The following CCDC136 variants were observed in gnomAD, a reference collection of about 807,000 sequenced individuals.
CCDC136 encodes the protein coiled-coil domain containing 136, also known as coiled-coil domain-containing protein 136.
A neutral mutation model predicts 141.2 loss-of-function variants in CCDC136; 100 were observed. The observed-to-expected ratio is 0.71, with a 90% CI of 0.60 to 0.84. The LOEUF is 0.84. Ranked by LOEUF, CCDC136 falls within the 40% of genes least tolerant of loss-of-function variation. The probability of loss-of-function intolerance (pLI) is 0.00; values close to 1 mark genes in which losing one functional copy is unlikely to be tolerated. For synonymous variants in CCDC136, 474 were observed against 531.9 expected (o/e 0.89, Z 1.50); for missense variants, 1,206 against 1,379.4 (o/e 0.87, Z 1.99).
chr7:128,804,911 A>G, intron 5 of CCDC136, 150 bp downstream of exon 5: 2 of 604,202 alleles, frequency 3.3e-6, no homozygotes, highest in East Asian at 2.8e-5. Flanking sequence ...GGATACAGAT[A>G]CCACCTACAA....
At chr7:128,816,868 A>G (rs537790866) in intron 16 of CCDC136, among the ~76,000 whole-genome samples, 1 of 152,312 alleles carries the variant, frequency 6.6e-6, no homozygotes, top group African/African-American at 2.4e-5. Context: ...GGATATCTGG[A>G]ATTTCCAGCA....
In CCDC136 at chr7:128,806,842, A is replaced by G. The variant is rs946356851; in HGVS notation, c.1403A>G (p.Lys468Arg). Reference sequence around the variant, plus strand: ...CTCAGGGATACGGTGGCCTCCTTCAAAGAGAGCAATGAGAAGGTAAAAGAA... The same window carrying G: ...CTCAGGGATACGGTGGCCTCCTTCAGAGAGAGCAATGAGAAGGTAAAAGAA... The part of the protein sequence containing the change: ...QHLRDTVASF[K>R]ESNEKDTETH... Residue 468 changes from lysine to arginine, a missense_variant, in exon 9 of 18, where the codon AAA (lysine) becomes AGA (arginine). By Grantham distance (26) the Lys-to-Arg change is conservative (BLOSUM62 2). Transcript: ENST00000297788. 6.2e-7 allele frequency: 1 copy of G among 1,608,062 alleles called. No homozygotes were observed. The highest frequency in any genetic ancestry group is 8.5e-7 in the Non-Finnish European group (1 of 1,177,022).
chr7:128,806,099 A>G (rs1020098743), intron 7 of CCDC136, 138 bp from the exon 8 acceptor site: 24 of 955,412 alleles, frequency 2.5e-5, no homozygotes, highest in African/African-American at 6.6e-5. Flanking sequence ...CTGAGTGTCC[A>G]TCTCACAGAA....
intron 3 of CCDC136, among the ~76,000 whole-genome samples, chr7:128,795,673 G>C (rs548468347): frequency 6.6e-6 from 1 of 152,080 alleles, no homozygotes; most frequent in South Asian, 2.1e-4. Flanking sequence ...GCATTGATCT[G>C]GGATGACCTA....
intron 3 of CCDC136, among the ~76,000 whole-genome samples, chr7:128,797,557 G>A (rs1210350249): frequency 6.6e-6 from 1 of 152,192 alleles, no homozygotes; most frequent in Non-Finnish European, 1.5e-5. Context: ...GTGATCCACT[G>A]TGTCAGGTTG....
rs1029490974 is a variant in CCDC136 at position 128,809,282 on chromosome 7, T to C, written c.1606-168T>C. 8.7e-6 allele frequency: 5 copies of C among 572,440 alleles called. No homozygotes were observed. In the African/African-American group the frequency reaches 9.7e-5, roughly 11 times the overall value. The allele number at this position is 572,440 out of a possible 1,614,324, so 35.5% of individuals were successfully genotyped here. On this transcript the variant is annotated intron_variant, in intron 10 of 17. Transcript: ENST00000297788. ...GGAGCAGCCTGCAGGGGATCCCCAA[T>C]CGGTATCTAAACAGCCAGAATGCAT...
intron 9 of CCDC136, 70 bp from the exon 10 acceptor site, chr7:128,807,290 C>A: frequency 8.2e-7 from 1 of 1,226,776 alleles, no homozygotes; most frequent in Non-Finnish European, 1.1e-6. Context: ...CCCTTAGTCC[C>A]CGCCTGGGAG....
chr7:128,794,838 G>A lies in CCDC136; in HGVS notation c.346+70G>A. The stretch of plus-strand genomic sequence containing the variant: ...GTCACCTAAGTACTTTTTTCCTGAG[G>A]GTTTGACTGAAGCACAGCAGATAAA... On this transcript the variant is annotated intron_variant, in intron 3 of 17. Transcript: ENST00000297788. The surrounding 1 kb of genome is among the most constrained non-coding windows in gnomAD (Gnocchi z 4.3). 1 of 1,249,342 alleles carries A rather than the reference G, an allele frequency of 8.0e-7. No individual in the cohort carries two copies. Among genetic ancestry groups the A allele is most frequent in the Non-Finnish European group, 1.1e-6 (1 of 876,452 alleles). The allele number at this position is 1,249,342 out of a possible 1,614,324, so 77.4% of individuals were successfully genotyped here. A position where few individuals can be genotyped will look rare whatever the true frequency, so the allele number is the denominator to read the frequency against.
chr7:128,822,058 G>A lies in CCDC136; in HGVS notation c.*265G>A. On this transcript the variant is annotated 3_prime_UTR_variant, in exon 18 of 18. Transcript: ENST00000297788. ...CACCCAGGCTGAAAAGGCTTGTGGG[G>A]AGCGGCTGACTTCCATCTCCTGCCT... The A allele has an allele frequency of 1.3e-5, 16 of 1,188,814 alleles. No homozygotes were observed. The highest frequency in any genetic ancestry group is 1.7e-5 in the Non-Finnish European group (16 of 939,696). The allele number at this position is 1,188,814 out of a possible 1,614,324, so 73.6% of individuals were successfully genotyped here. A position where few individuals can be genotyped will look rare whatever the true frequency, so the allele number is the denominator to read the frequency against.
Position 128,805,957 on chromosome 7 carries a change from G to T in CCDC136, c.1089+56G>T. The T allele has an allele frequency of 6.2e-7, 1 of 1,600,962 alleles. No homozygotes were observed. Among genetic ancestry groups the T allele is most frequent in the Non-Finnish European group, 8.5e-7 (1 of 1,170,750 alleles). On this transcript the variant is annotated intron_variant, in intron 7 of 17. Coordinates refer to ENST00000297788, the MANE Select transcript of CCDC136 (RefSeq NM_022742.5). The surrounding 1 kb of genome is among the most constrained non-coding windows in gnomAD (Gnocchi z 4.6). ...GGGGGCAGAAGGGCCTCATGGAGGG[G>T]CTGCTTCAACCGGGGTGGGCACAGT...
At position 128,805,216 on chromosome 7, in the gene CCDC136, G is replaced by A; in HGVS notation, c.783-143G>A. 1.4e-6 allele frequency: 1 copy of A among 695,618 alleles called. No homozygotes were observed. Among genetic ancestry groups the A allele is most frequent in the Non-Finnish European group, 2.5e-6 (1 of 405,700 alleles). The allele number at this position is 695,618 out of a possible 1,614,324, so 43.1% of individuals were successfully genotyped here. A position where few individuals can be genotyped will look rare whatever the true frequency, so the allele number is the denominator to read the frequency against. Reference sequence around the variant, plus strand: ...CTGGAGACTTTCTGTAGTCTTTTAAGCATGTTTATCTGAGCGGTGAGTCAC... The same window carrying A: ...CTGGAGACTTTCTGTAGTCTTTTAAACATGTTTATCTGAGCGGTGAGTCAC... On this transcript the variant is annotated intron_variant, in intron 5 of 17. Coordinates refer to ENST00000297788, the MANE Select transcript of CCDC136 (RefSeq NM_022742.5). This position sits in a 1 kb window ranked among gnomAD's most constrained non-coding sequence, Gnocchi z 4.6.
rs1264532127 is a variant in CCDC136, at chr7:128,812,037, G to A, written c.2266G>A (p.Glu756Lys). The A allele has an allele frequency of 2.5e-6, 4 of 1,614,012 alleles. No homozygotes were observed. Among genetic ancestry groups the A allele is most frequent in the Non-Finnish European group, 1.7e-6 (2 of 1,179,894 alleles). Residue 756 changes from glutamate (E) to lysine (K), a missense_variant, in exon 13 of 18, where the codon GAG becomes AAG. Glu to Lys is a moderately conservative substitution (Grantham distance 56). Coordinates refer to ENST00000297788, the MANE Select transcript of CCDC136 (RefSeq NM_022742.5). Reference protein sequence around the residue: ...KSYGSMVPSNENCRKTYDTTV... With the variant: ...KSYGSMVPSNKNCRKTYDTTV... ...CTATGGTAGCATGGTCCCCAGCAAT[G>A]AGAACTGTCGCAAGACTTATGATAC...
Position 128,801,292 on chromosome 7 carries a change from G to C in CCDC136, c.453G>C (p.Gln151His). The C allele has an allele frequency of 3.7e-6, 6 of 1,613,922 alleles. No individual in the cohort carries two copies. The highest frequency in any genetic ancestry group is 5.1e-6 in the Non-Finnish European group (6 of 1,179,864). Residue 151 changes from glutamine (Q) to histidine (H), a missense_variant, in exon 4 of 18, where the codon CAG becomes CAC. Transcript: ENST00000297788. ...TGCATTTGGCCCAGGCTGAGATCCAGAGTCTGCGGCAAGCAGCAGAGGATT... is the reference window on the plus strand; with the variant it reads ...TGCATTTGGCCCAGGCTGAGATCCACAGTCTGCGGCAAGCAGCAGAGGATT... Reference protein sequence around the residue: ...QELHLAQAEIQSLRQAAEDSA... With the variant: ...QELHLAQAEIHSLRQAAEDSA...
chr7:128,814,055 CA>C (rs971799216), intron 14 of CCDC136, among the ~76,000 whole-genome samples: 2 of 151,970 alleles, frequency 1.3e-5, no homozygotes, highest in Non-Finnish European at 2.9e-5. Context: ...TCCCCAGTCA[CA>C]GTAGAAAACA....
intron 3 of CCDC136, among the ~76,000 whole-genome samples, chr7:128,796,403 A>C (rs1802953948): frequency 6.6e-6 from 1 of 152,132 alleles, no homozygotes; most frequent in Admixed American, 6.6e-5. Flanking sequence ...CTGTGTTTGC[A>C]GCAAAGTGCA....
rs186255010 is a variant in CCDC136 at position 128,796,406 on chromosome 7, A to G, written c.346+1638A>G. Among the ~76,000 whole-genome samples the G allele has an allele frequency of 8.7e-4, 133 of 152,232 alleles. 1 individual carries two copies. The highest frequency in any genetic ancestry group is 3.3e-3 in the Admixed American group (51 of 15,286). ...GAACAGAGGCCACTGTGTTTGCAGC[A>G]AAGTGCACGTGGAGGACCCTGGCAA... On this transcript the variant is annotated intron_variant, in intron 3 of 17. Coordinates refer to ENST00000297788, the MANE Select transcript of CCDC136 (RefSeq NM_022742.5).
In CCDC136 at chr7:128,821,728, G is replaced by A; in HGVS notation, c.*6-71G>A. ...TCCTGAGGTGTCTTGGGCACCCATAGGCAGGTGACTTCTGGCTTAGGGCAG... is the reference window on the plus strand; with the variant it reads ...TCCTGAGGTGTCTTGGGCACCCATAAGCAGGTGACTTCTGGCTTAGGGCAG... On this transcript the variant is annotated intron_variant, in intron 17 of 17. Coordinates refer to ENST00000297788, the MANE Select transcript of CCDC136 (RefSeq NM_022742.5). This position sits in a 1 kb window ranked among gnomAD's most constrained non-coding sequence, Gnocchi z 5.1. 1 of 1,224,320 alleles carries A rather than the reference G, an allele frequency of 8.2e-7. No individual in the cohort carries two copies. The highest frequency in any genetic ancestry group is 1.3e-5 in the South Asian group (1 of 79,420). 75.8% of individuals were successfully genotyped at this position (1,224,320 alleles called of 1,614,324 possible). A position where few individuals can be genotyped will look rare whatever the true frequency, so the allele number is the denominator to read the frequency against.
At chr7:128,813,468 G>A (rs562371311) in intron 14 of CCDC136, among the ~76,000 whole-genome samples, 1 of 152,134 alleles carries the variant, frequency 6.6e-6, no homozygotes, top group Non-Finnish European at 1.5e-5. Flanking sequence ...CGAACACATG[G>A]GTCCAGATTG....
At chr7:128,814,473 C>T (rs956453900) in intron 14 of CCDC136, among the ~76,000 whole-genome samples, 165 bp from the exon 15 acceptor site, 1 of 152,156 alleles carries the variant, frequency 6.6e-6, no homozygotes, top group Non-Finnish European at 1.5e-5. Context: ...TTGAGAGGCT[C>T]ATTTTCCACC....
Sources: gnomAD v4.1 joint callset for allele counts (sites outside exome capture counted in the v4.1 genomes callset) on GRCh38, gnomAD v4.1.1 for gene constraint, Gnocchi (gnomAD v3.1) non-coding constraint, MANE v1.5 for transcripts, NCBI Gene and HGNC (gene_info 2026-07-23, HGNC 2026-07-21) for gene names.